Variants in PLXNA2 observed in about 807,000 individuals in gnomAD.
PLXNA2 encodes the protein plexin-A2.
A neutral mutation model predicts 193.5 loss-of-function variants in PLXNA2; 91 were observed. The ratio of observed to expected loss-of-function variants is 0.47; its 90% confidence interval spans 0.40 to 0.56. PLXNA2 has a LOEUF of 0.56. Among genes scored for constraint, PLXNA2 ranks in the 20% least tolerant of loss-of-function variants. PLXNA2 has a pLI of 0.00. For missense variants in PLXNA2, 1,995 were observed against 2,503.2 expected (o/e 0.80, Z 4.33); for synonymous variants, 997 against 1,027.3 (o/e 0.97, Z 0.56).
intron 13 of PLXNA2, among the ~76,000 whole-genome samples, chr1:208,055,683 A>C (rs576766839): frequency 8.4e-4 from 128 of 152,248 alleles, no homozygotes; most frequent in African/African-American, 3.0e-3. Context: ...TGTTTAACCG[A>C]GCGATGCTTA....
intron 3 of PLXNA2, among the ~76,000 whole-genome samples, chr1:208,188,709 C>CA (rs1213724508): frequency 0.067 from 4,748 of 71,058 alleles, 102 homozygotes; most frequent in African/African-American, 0.096. Context: ...AACTCTGTCT[C>CA]AAAAAAAAAA....
In PLXNA2 at chr1:208,088,980, A is replaced by G. The variant is rs149306682; in HGVS notation, c.2097+3806T>C. 3.1e-4 allele frequency among the ~76,000 whole-genome samples: 47 copies of G among 152,328 alleles called. 1 individual carries two copies. The highest frequency in any genetic ancestry group is 7.3e-5 in the Non-Finnish European group (5 of 68,038). ...GTTTAACTTATTTAAGCCTCAGTCT[A>G]TTCATCTATAATATAATCCACTTCA... On this transcript the variant is annotated intron_variant, in intron 9 of 31. Transcript: ENST00000367033.
At chr1:208,201,980 T>C (rs1225716119) in intron 3 of PLXNA2, among the ~76,000 whole-genome samples, 2 of 152,002 alleles carry the variant, frequency 1.3e-5, no homozygotes, top group Non-Finnish European at 2.9e-5. Flanking sequence ...AGAATTTTTT[T>C]TTTTTTTTTT....
rs1490538698 is a variant in PLXNA2 at position 208,236,603 on chromosome 1, T to C, written c.-81+7040A>G. ...ATAGTCACAGAGCAATCACAATCCA[T>C]AGGCTCCGCTGACATTCTGAGCTGT... On this transcript the variant is annotated intron_variant, in intron 1 of 31. Transcript: ENST00000367033. The surrounding 1 kb of genome is among the most constrained non-coding windows in gnomAD (Gnocchi z 4.4). Among the ~76,000 whole-genome samples, 2 of 152,178 alleles carry C rather than the reference T, an allele frequency of 1.3e-5. No homozygotes were observed. The highest frequency in any genetic ancestry group is 2.9e-5 in the Non-Finnish European group (2 of 68,032).
chr1:208,105,524 G>A (rs969685932), intron 4 of PLXNA2, among the ~76,000 whole-genome samples: 2 of 152,132 alleles, frequency 1.3e-5, no homozygotes, highest in East Asian at 1.9e-4. Context: ...TTTTTGTCCT[G>A]TACAACTCTA....
chr1:208,215,987 T>C (rs148114298), intron 2 of PLXNA2, among the ~76,000 whole-genome samples: 1 of 152,246 alleles, frequency 6.6e-6, no homozygotes, highest in Non-Finnish European at 1.5e-5. Context: ...CAGACTCCCT[T>C]CCCTCTCCTC....
intron 4 of PLXNA2, among the ~76,000 whole-genome samples, chr1:208,109,954 G>A (rs1434018144): frequency 6.6e-6 from 1 of 152,222 alleles, no homozygotes; most frequent in East Asian, 1.9e-4. Flanking sequence ...CTTCTTCACA[G>A]GCTTGCACCA....
chr1:208,126,765 C>A (rs1667985463), intron 4 of PLXNA2, among the ~76,000 whole-genome samples: 1 of 152,092 alleles, frequency 6.6e-6, no homozygotes, highest in African/African-American at 2.4e-5. Flanking sequence ...GTGTTCAGAG[C>A]CTATGGTATC....
chr1:208,073,756 G>A (rs1006161095), intron 12 of PLXNA2, among the ~76,000 whole-genome samples: 1 of 150,198 alleles, frequency 6.7e-6, no homozygotes, highest in South Asian at 2.1e-4. Flanking sequence ...AATATGACAG[G>A]GTCTTTATTT....
chr1:208,194,882 G>A (rs1670307578), intron 3 of PLXNA2, among the ~76,000 whole-genome samples: 1 of 152,182 alleles, frequency 6.6e-6, no homozygotes, highest in South Asian at 2.1e-4. Flanking sequence ...CTGGCTCAAG[G>A]TGCTGTTTCC....
rs185928166 is a variant in PLXNA2 at position 208,208,507 on chromosome 1, C to A, written c.1371+1773G>T. Reference sequence around the variant, plus strand: ...TCTATTTTTCAAAGCAGTTTTGAAGCCTATCCCATGAGTGAACACTCGGTG... The same window carrying A: ...TCTATTTTTCAAAGCAGTTTTGAAGACTATCCCATGAGTGAACACTCGGTG... On this transcript the variant is annotated intron_variant, in intron 3 of 31. Transcript: ENST00000367033. 2.8e-4 allele frequency among the ~76,000 whole-genome samples: 42 copies of A among 152,312 alleles called. No individual in the cohort carries two copies. The East Asian group carries it at 6.4e-3, about 23-fold the overall frequency.
intron 3 of PLXNA2, among the ~76,000 whole-genome samples, chr1:208,151,417 G>A (rs923637800): frequency 4.6e-5 from 7 of 152,126 alleles, no homozygotes; most frequent in African/African-American, 1.4e-4. Flanking sequence ...ACTCTTTCAG[G>A]TCTGTGGGGA....
chr1:208,068,292 C>T (rs1402619128), intron 12 of PLXNA2, among the ~76,000 whole-genome samples: 1 of 152,146 alleles, frequency 6.6e-6, no homozygotes, highest in Non-Finnish European at 1.5e-5. Context: ...AGTGGAGGTA[C>T]CTAACTGTTG....
chr1:208,074,641 C>T (rs1444507281), intron 12 of PLXNA2, among the ~76,000 whole-genome samples: 1 of 152,164 alleles, frequency 6.6e-6, no homozygotes, highest in Admixed American at 6.5e-5. Context: ...TCTAACTATG[C>T]GTGAGCCCAC....
intron 3 of PLXNA2, among the ~76,000 whole-genome samples, chr1:208,198,664 C>T (rs1237138923): frequency 6.6e-6 from 1 of 152,194 alleles, no homozygotes; most frequent in African/African-American, 2.4e-5. Context: ...TTCCAGGGCA[C>T]CTTCACTCAA....
At chr1:208,039,870 G>C (rs1029093603) in intron 23 of PLXNA2, 103 bp from the exon 24 acceptor site, 1 of 1,588,024 alleles carries the variant, frequency 6.3e-7, no homozygotes, top group Non-Finnish European at 8.6e-7. Flanking sequence ...AAGGGCTTTA[G>C]CACAGCCAGT....
chr1:208,117,681 A>T (rs1322228892), intron 4 of PLXNA2, among the ~76,000 whole-genome samples: 1 of 152,156 alleles, frequency 6.6e-6, no homozygotes, highest in Non-Finnish European at 1.5e-5. Flanking sequence ...AGAAATATCC[A>T]CCAGGCCTGA....
chr1:208,140,292 C>G (rs1668422672), intron 4 of PLXNA2, among the ~76,000 whole-genome samples: 1 of 152,200 alleles, frequency 6.6e-6, no homozygotes, highest in African/African-American at 2.4e-5. Context: ...CCCAGCCCCT[C>G]TTCTTTGGAT....
intron 13 of PLXNA2, among the ~76,000 whole-genome samples, chr1:208,058,919 G>T (rs1314628235): frequency 2.6e-5 from 4 of 152,194 alleles, no homozygotes; most frequent in African/African-American, 4.8e-5. Context: ...AGAGGAGGCA[G>T]GTCTAAAACA....
Sources: gnomAD v4.1 joint callset for allele counts (sites outside exome capture counted in the v4.1 genomes callset) on GRCh38, gnomAD v4.1.1 for gene constraint, Gnocchi (gnomAD v3.1) non-coding constraint, MANE v1.5 for transcripts, NCBI Gene and HGNC (gene_info 2026-07-23, HGNC 2026-07-21) for gene names.